The following BCAP31 variants were observed in gnomAD, a reference collection of about 807,000 sequenced individuals.
BCAP31 encodes B-cell receptor-associated protein 31.
For synonymous variants in BCAP31, 75 were observed against 80.9 expected (o/e 0.93, Z 0.39); for missense variants, 124 against 193.0 (o/e 0.64, Z 2.12).
At chrX:153,722,767 G>A (rs2091676179) in intron 2 of BCAP31, among the ~76,000 whole-genome samples, 2 of 111,526 alleles carry the variant, frequency 1.8e-5, no homozygotes, top group South Asian at 7.5e-4. Context: ...TAGTTAGGAG[G>A]ACAAGAGTCA....
At chrX:153,715,021 C>T (rs1286126277) in intron 4 of BCAP31, among the ~76,000 whole-genome samples, 3 of 111,517 alleles carry the variant, frequency 2.7e-5, no homozygotes, top group Non-Finnish European at 5.7e-5. Flanking sequence ...TTAGTTTTAC[C>T]AAAAAAATCA....
chrX:153,711,786 T>C (rs782562319), intron 4 of BCAP31, among the ~76,000 whole-genome samples: 2 of 108,984 alleles, frequency 1.8e-5, no homozygotes, highest in African/African-American at 6.7e-5. Context: ...GTGCCTGTAG[T>C]CCCAGCTACT....
At chrX:153,724,002 C>T (rs1370142871) in intron 1 of BCAP31, 20 of 376,511 alleles carry the variant, frequency 5.3e-5, no homozygotes, top group Non-Finnish European at 8.5e-5. Context: ...TCCTCAGAAG[C>T]CAGGGGTCCT....
At chrX:153,708,056 T>C (rs1364141980) in intron 4 of BCAP31, among the ~76,000 whole-genome samples, 10 of 112,656 alleles carry the variant, frequency 8.9e-5, no homozygotes, top group Admixed American at 2.8e-4. Context: ...TGGTCACCAA[T>C]AGAATGGCCT....
chrX:153,718,179 T>C (rs912150900), intron 3 of BCAP31, among the ~76,000 whole-genome samples: 2 of 109,833 alleles, frequency 1.8e-5, no homozygotes, highest in Admixed American at 1.9e-4. Context: ...TAGCCGGGCA[T>C]GGTGGCGGGC....
Position 153,717,757 on chromosome X carries a change from ATGT to A in BCAP31, c.194-2071_194-2069del, listed in dbSNP as rs782025555. Among the ~76,000 whole-genome samples, 361 of 111,870 alleles carry A rather than the reference ATGT, an allele frequency of 3.2e-3. 2 individuals carry two copies. Among genetic ancestry groups the A allele is most frequent in the African/African-American group, 0.01 (323 of 30,828 alleles). ...TCCGGTTTTAGGCTGCTTAGTTTTT[ATGT>A]TGATCTTGCATTATAAAAATCTGCC... On this transcript the variant is annotated intron_variant, in intron 3 of 7. Coordinates refer to ENST00000345046, the MANE Select transcript of BCAP31 (RefSeq NM_001256447.2).
chrX:153,720,744 A>G, intron 3 of BCAP31, 128 bp downstream of exon 3: 1 of 560,579 alleles, frequency 1.8e-6, no homozygotes, highest in African/African-American at 2.3e-5. Context: ...CAAGAGAAAG[A>G]CACAGCATTT....
chrX:153,714,588 C>T (rs1419529370), intron 4 of BCAP31, among the ~76,000 whole-genome samples: 3 of 110,845 alleles, frequency 2.7e-5, no homozygotes, highest in African/African-American at 9.9e-5. Context: ...GTCATCGTAG[C>T]GCCTAGTAAA....
intron 2 of BCAP31, 89 bp downstream of exon 2, chrX:153,723,064 C>T (rs1368402719): frequency 9.2e-7 from 1 of 1,084,696 alleles, no homozygotes; most frequent in African/African-American, 1.8e-5. Flanking sequence ...GGTCCCAATT[C>T]CAGGGTCCAC....
At chrX:153,714,329 C>T (rs782547857) in intron 4 of BCAP31, among the ~76,000 whole-genome samples, 1 of 110,703 alleles carries the variant, frequency 9.0e-6, no homozygotes, top group Non-Finnish European at 1.9e-5. Flanking sequence ...TTCAGATCTG[C>T]TTCCCTTTCA....
intron 4 of BCAP31, among the ~76,000 whole-genome samples, chrX:153,711,682 T>A (rs2050677635): frequency 1.8e-5 from 2 of 110,711 alleles, no homozygotes; most frequent in African/African-American, 6.6e-5. Flanking sequence ...GGTGGGCAGA[T>A]CACATGAGGC....
chrX:153,714,532 C>T (rs2091613736), intron 4 of BCAP31, among the ~76,000 whole-genome samples: 2 of 110,995 alleles, frequency 1.8e-5, no homozygotes, highest in East Asian at 2.8e-4. Context: ...CCAACTTGGT[C>T]GCAGAGAGTA....
At chrX:153,712,381 T>G (rs2091597628) in intron 4 of BCAP31, among the ~76,000 whole-genome samples, 1 of 104,357 alleles carries the variant, frequency 9.6e-6, no homozygotes, top group African/African-American at 3.5e-5. Context: ...CCAGCCTGGG[T>G]GATGGAGCGA....
chrX:153,706,873 C>T (rs1426419063), intron 4 of BCAP31, among the ~76,000 whole-genome samples: 4 of 112,024 alleles, frequency 3.6e-5, no homozygotes, highest in East Asian at 2.8e-4. Flanking sequence ...CCACTGCTGG[C>T]GCCTCCTCCC....
At chrX:153,716,026 C>T (rs2091624950) in intron 3 of BCAP31, among the ~76,000 whole-genome samples, 1 of 109,495 alleles carries the variant, frequency 9.1e-6, no homozygotes, top group Admixed American at 9.8e-5. Flanking sequence ...TTTAGCCCGG[C>T]GTGGTGGTGG....
intron 3 of BCAP31, among the ~76,000 whole-genome samples, chrX:153,716,912 C>T (rs2091633146): frequency 1.8e-5 from 2 of 112,879 alleles, no homozygotes; most frequent in Non-Finnish European, 3.7e-5. Context: ...AATTCACACT[C>T]ATCGAAAGTT....
At chrX:153,713,514 A>C in intron 4 of BCAP31, among the ~76,000 whole-genome samples, 1 of 112,191 alleles carries the variant, frequency 8.9e-6, no homozygotes, top group East Asian at 2.8e-4. Flanking sequence ...GCTGGAGATC[A>C]AAGTCAACCC....
rs183614770 is a variant in BCAP31 at position 153,719,920 on chromosome X, T to G, written c.193+952A>C. ...CTGCTTGCCCTTGGACCAGTTTATC[T>G]TTCAAGCACCTGCTAGTGTACACCT... is the stretch of plus-strand genomic sequence containing the variant. On this transcript the variant is annotated intron_variant, in intron 3 of 7. Coordinates refer to ENST00000345046, the MANE Select transcript of BCAP31 (RefSeq NM_001256447.2). Among the ~76,000 whole-genome samples, 7 of 112,013 alleles carry G rather than the reference T, an allele frequency of 6.2e-5. No homozygotes were observed. The East Asian group carries it at 2.0e-3, about 31-fold the overall frequency.
chrX:153,712,424 A>G (rs2091598764), intron 4 of BCAP31, among the ~76,000 whole-genome samples: 1 of 110,362 alleles, frequency 9.1e-6, no homozygotes, highest in African/African-American at 3.3e-5. Flanking sequence ...ATAAATAAAT[A>G]AATAAATAAA....
Sources: allele counts gnomAD v4.1 joint callset (sites outside exome capture counted in the v4.1 genomes callset), GRCh38; gene constraint gnomAD v4.1.1; transcripts MANE v1.5; gene names NCBI Gene and HGNC (gene_info 2026-07-23, HGNC 2026-07-21).